Variants in ZIM2 observed in about 807,000 individuals in gnomAD.
The protein encoded by ZIM2 is zinc finger protein 656.
ZIM2 carries 14 observed loss-of-function variants against 38.6 expected under a neutral mutation model. That is an observed-to-expected ratio of 0.36 (90% CI 0.24 to 0.57). The LOEUF (loss-of-function observed/expected upper bound fraction) is 0.57. ZIM2 is among the 20% of genes least tolerant of loss of function. The probability of loss-of-function intolerance (pLI) is 0.81; values close to 1 mark genes in which losing one functional copy is unlikely to be tolerated. For synonymous variants in ZIM2, 247 were observed against 245.8 expected, an observed-to-expected ratio of 1.00 and a Z score of -0.04; for missense variants, 680 against 695.1, an observed-to-expected ratio of 0.98 and a Z score of 0.24.
intron 7 of ZIM2, among the ~76,000 whole-genome samples, 183 bp from the exon 8 acceptor site, chr19:56,818,885 A>G (rs2060222463): frequency 1.3e-5 from 2 of 152,236 alleles, no homozygotes; most frequent in South Asian, 4.1e-4. Context: ...CCTTGGTGCT[A>G]CACTCTGAGG....
chr19:56,812,485 G>A, intron 9 of ZIM2: 1 of 985,114 alleles, frequency 1.0e-6, no homozygotes, highest in African/African-American at 1.7e-5. Context: ...AGAGAATTAA[G>A]TTAGCGATAG....
intron 9 of ZIM2, among the ~76,000 whole-genome samples, chr19:56,795,846 A>G (rs1414466233): frequency 1.3e-5 from 2 of 152,202 alleles, no homozygotes; most frequent in African/African-American, 4.8e-5. Context: ...ACCTCAAAAA[A>G]ACAAAAACAA....
At position 56,781,961 on chromosome 19, in the gene ZIM2, A is replaced by G; in HGVS notation, c.731T>C (p.Val244Ala). 2 of 1,613,598 alleles carry G rather than the reference A, an allele frequency of 1.2e-6. No homozygotes were observed. Among genetic ancestry groups the G allele is most frequent in the Middle Eastern group, 1.7e-4 (1 of 6,054 alleles). The change falls in exon 11 of 13, where the codon GTC (valine) becomes GCC (alanine). Residue 244 changes from valine (V) to alanine (A), a missense_variant. Coordinates refer to ENST00000629319, the MANE Select transcript of ZIM2 (RefSeq NM_001387356.1). ...GGAGAAGGCATACTTACCCAGGGAG[A>G]CCAGGTTCCGGTAATTCTCCAGCAT... ...EVMLENYRNL[V>A]SLGHQFSKPD...
intron 2 of ZIM2, among the ~76,000 whole-genome samples, chr19:56,828,984 T>C (rs2061324401): frequency 6.6e-6 from 1 of 152,168 alleles, no homozygotes; most frequent in Non-Finnish European, 1.5e-5. Flanking sequence ...CCTACTTCTT[T>C]TGAACCAGCA....
chr19:56,824,683 A>G, intron 3 of ZIM2: 2 of 1,577,230 alleles, frequency 1.3e-6, no homozygotes, highest in Non-Finnish European at 1.7e-6. Flanking sequence ...TCACTGGAGG[A>G]ACCAAACATG....
At chr19:56,815,278 T>A (rs764519233) in intron 9 of ZIM2, 4 of 1,614,136 alleles carry the variant, frequency 2.5e-6, no homozygotes, top group Non-Finnish European at 3.4e-6. Context: ...AGACTTCTCT[T>A]GGTCATAGAT....
At chr19:56,812,936 T>C in intron 9 of ZIM2, 1 of 985,768 alleles carries the variant, frequency 1.0e-6, no homozygotes, top group South Asian at 4.7e-5. Context: ...CCGTATATTG[T>C]AAAGCCTTAC....
At chr19:56,837,827 C>A (rs1055279652) in intron 1 of ZIM2, among the ~76,000 whole-genome samples, 1 of 152,228 alleles carries the variant, frequency 6.6e-6, no homozygotes, top group Admixed American at 6.5e-5. Flanking sequence ...CCTCTGCTGC[C>A]CCCGCCACCG....
At chr19:56,806,556 C>T (rs1393695107) in intron 9 of ZIM2, among the ~76,000 whole-genome samples, 1 of 152,198 alleles carries the variant, frequency 6.6e-6, no homozygotes, top group East Asian at 1.9e-4. Context: ...TTTACTTCTT[C>T]TAAATAGCCA....
chr19:56,790,277 A>G (rs966693080), intron 9 of ZIM2, among the ~76,000 whole-genome samples: 3 of 152,214 alleles, frequency 2.0e-5, no homozygotes, highest in Non-Finnish European at 2.9e-5. Context: ...TGTAAAGCAG[A>G]AATAATGACA....
At chr19:56,797,388 T>C (rs149460265) in intron 9 of ZIM2, among the ~76,000 whole-genome samples, 2 of 152,222 alleles carry the variant, frequency 1.3e-5, no homozygotes, top group African/African-American at 4.8e-5. Flanking sequence ...ATTATTATAT[T>C]GATTTAAAGA....
At chr19:56,777,610 A>T (rs932884973) in intron 12 of ZIM2, among the ~76,000 whole-genome samples, 4 of 152,220 alleles carry the variant, frequency 2.6e-5, no homozygotes, top group African/African-American at 9.6e-5. Context: ...TGTCCAGCAC[A>T]GTAGCCATTA....
At chr19:56,827,190 A>C (rs1168892869) in intron 2 of ZIM2, among the ~76,000 whole-genome samples, 1 of 152,176 alleles carries the variant, frequency 6.6e-6, no homozygotes, top group Non-Finnish European at 1.5e-5. Flanking sequence ...TCCTACAATT[A>C]ATTTTGTGAC....
At chr19:56,775,657 G>T in intron 12 of ZIM2, 128 bp from the exon 13 acceptor site, 4 of 1,092,924 alleles carry the variant, frequency 3.7e-6, no homozygotes, top group Admixed American at 3.2e-5. Flanking sequence ...TTCCTAATCT[G>T]AAAAAAAAAA....
At chr19:56,811,155 A>C (rs2059515609) in intron 9 of ZIM2, 1 of 980,020 alleles carries the variant, frequency 1.0e-6, no homozygotes, top group African/African-American at 1.8e-5. Context: ...AGTTCAAATT[A>C]TGTTCACAAT....
intron 9 of ZIM2, chr19:56,811,994 T>G (rs1322682072): frequency 2.0e-6 from 2 of 985,140 alleles, no homozygotes; most frequent in African/African-American, 3.5e-5. Context: ...TCCCTGCATC[T>G]TTGACATACT....
At chr19:56,790,576 G>A (rs1447203223) in intron 9 of ZIM2, among the ~76,000 whole-genome samples, 1 of 152,176 alleles carries the variant, frequency 6.6e-6, no homozygotes, top group Non-Finnish European at 1.5e-5. Context: ...CACAGTGCTT[G>A]TGTTCATGTA....
chr19:56,794,250 T>C (rs1172349420), intron 9 of ZIM2, among the ~76,000 whole-genome samples: 1 of 152,222 alleles, frequency 6.6e-6, no homozygotes, highest in Admixed American at 6.5e-5. Context: ...GGTGATTTTG[T>C]ACTTTCTCTC....
At chr19:56,813,422 G>T in intron 9 of ZIM2, 1 of 1,294,974 alleles carries the variant, frequency 7.7e-7, no homozygotes. Flanking sequence ...TTCTCAATCT[G>T]ATTACTTGGA....
Sources: allele counts gnomAD v4.1 joint callset (sites outside exome capture counted in the v4.1 genomes callset), GRCh38; gene constraint gnomAD v4.1.1; transcripts MANE v1.5; gene names NCBI Gene and HGNC (gene_info 2026-07-23, HGNC 2026-07-21).